Variants in MECOM observed in about 807,000 individuals in gnomAD.
The protein encoded by MECOM is histone-lysine N-methyltransferase MECOM.
Under a neutral mutation model 116.3 loss-of-function variants are expected in MECOM, and 13 were observed. That is an observed-to-expected ratio of 0.11 (90% CI 0.07 to 0.18). The LOEUF (loss-of-function observed/expected upper bound fraction) is 0.18, where lower values mean the gene tolerates loss of function less well. Ranked by LOEUF, MECOM falls within the 10% of genes least tolerant of loss-of-function variation. MECOM has a pLI of 1.00. For synonymous variants in MECOM, 528 were observed against 535.2 expected, an observed-to-expected ratio of 0.99 and a Z score of 0.19; for missense variants, 1,299 against 1,509.0, an observed-to-expected ratio of 0.86 and a Z score of 2.31.
At chr3:169,289,062 A>T (rs1713959798) in intron 2 of MECOM, among the ~76,000 whole-genome samples, 1 of 152,248 alleles carries the variant, frequency 6.6e-6, no homozygotes, top group Non-Finnish European at 1.5e-5. Flanking sequence ...ACTCACTAGC[A>T]TGTGCTTGCA....
chr3:169,604,150 A>C (rs1391581894), intron 1 of MECOM, among the ~76,000 whole-genome samples: 1 of 152,220 alleles, frequency 6.6e-6, no homozygotes, highest in Non-Finnish European at 1.5e-5. Context: ...GTGTGTAAGC[A>C]TGAGAAAGAT....
intron 2 of MECOM, among the ~76,000 whole-genome samples, chr3:169,303,076 A>G (rs1156286909): frequency 6.6e-6 from 1 of 152,100 alleles, no homozygotes; most frequent in Non-Finnish European, 1.5e-5. Flanking sequence ...ATGATCACCC[A>G]AAAAGGTCAC....
At chr3:169,658,399 G>A (rs1293207444) in intron 1 of MECOM, among the ~76,000 whole-genome samples, 1 of 152,218 alleles carries the variant, frequency 6.6e-6, no homozygotes, top group Non-Finnish European at 1.5e-5. Flanking sequence ...GAGTGAGTGT[G>A]TGCCTGCCCT....
intron 1 of MECOM, among the ~76,000 whole-genome samples, chr3:169,495,722 A>G (rs1753729327): frequency 6.6e-6 from 1 of 152,174 alleles, no homozygotes; most frequent in Non-Finnish European, 1.5e-5. Flanking sequence ...TATCAAAACT[A>G]TGAACCAGTC....
At chr3:169,519,845 A>AC (rs1362959859) in intron 1 of MECOM, among the ~76,000 whole-genome samples, 1 of 151,878 alleles carries the variant, frequency 6.6e-6, no homozygotes, top group Admixed American at 6.6e-5. Context: ...CCTTTAGATA[A>AC]CCCCCCCTTG....
intron 8 of MECOM, among the ~76,000 whole-genome samples, chr3:169,113,841 C>T (rs1257043517): frequency 6.6e-6 from 1 of 150,694 alleles, no homozygotes; most frequent in Non-Finnish European, 1.5e-5. Context: ...CCATTTTATG[C>T]TTTTTTTTTA....
chr3:169,347,184 A>G (rs1460191214), intron 2 of MECOM, among the ~76,000 whole-genome samples: 1 of 152,064 alleles, frequency 6.6e-6, no homozygotes. Flanking sequence ...CTACATGCAT[A>G]TCATATATTT....
intron 1 of MECOM, among the ~76,000 whole-genome samples, chr3:169,549,570 G>A (rs1560420601): frequency 2.0e-5 from 3 of 152,080 alleles, no homozygotes; most frequent in Admixed American, 6.5e-5. Flanking sequence ...TTGTTCTGGG[G>A]GATAAACCAC....
chr3:169,454,468 G>C (rs879468141), intron 1 of MECOM, among the ~76,000 whole-genome samples: 2 of 147,340 alleles, frequency 1.4e-5, no homozygotes, highest in Non-Finnish European at 3.0e-5. Flanking sequence ...TTTCTGCTAA[G>C]AATCAAAAGT....
intron 2 of MECOM, among the ~76,000 whole-genome samples, chr3:169,363,465 C>T (rs1560177581): frequency 1.3e-5 from 2 of 151,868 alleles, no homozygotes; most frequent in Admixed American, 6.6e-5. Flanking sequence ...ACAACACGTG[C>T]GCTCTTTCTG....
chr3:169,531,625 A>G (rs1193474136), intron 1 of MECOM, among the ~76,000 whole-genome samples: 4 of 152,138 alleles, frequency 2.6e-5, no homozygotes, highest in African/African-American at 9.7e-5. Flanking sequence ...GTGCGCTCCA[A>G]TATTCTACAT....
In MECOM at chr3:169,623,810, T is replaced by TACAC. The variant is rs113348633; in HGVS notation, c.37+39522_37+39525dup. 917 of 147,846 alleles carry TACAC rather than the reference T, an allele frequency of 6.2e-3. 13 individuals carry two copies. Among genetic ancestry groups the TACAC allele is most frequent in the African/African-American group, 0.021 (837 of 40,610 alleles). The allele number at this position is 147,846 out of a possible 1,614,324, so 9.2% of individuals were successfully genotyped here. A position where few individuals can be genotyped will look rare whatever the true frequency, so the allele number is the denominator to read the frequency against. On this transcript the variant is annotated intron_variant, in intron 1 of 16. Transcript: ENST00000651503. ...GTCTCCTAAAACACACACACACACATACACACACACACACACACACAGAGA... is the reference window on the plus strand; with the variant it reads ...GTCTCCTAAAACACACACACACACATACACACACACACACACACACACACAGAGA...
chr3:169,307,272 T>C (rs1298540621), intron 2 of MECOM, among the ~76,000 whole-genome samples: 2 of 152,160 alleles, frequency 1.3e-5, no homozygotes, highest in East Asian at 1.9e-4. Flanking sequence ...CTCCCTAGAA[T>C]TGCCCCCTTC....
chr3:169,314,887 CT>C (rs546320041), intron 2 of MECOM, among the ~76,000 whole-genome samples: 61 of 152,268 alleles, frequency 4.0e-4, no homozygotes, highest in South Asian at 8.3e-4. Context: ...ATAGTTATCC[CT>C]TATTCTCCTG....
At chr3:169,489,946 G>C (rs1238947888) in intron 1 of MECOM, among the ~76,000 whole-genome samples, 1 of 152,100 alleles carries the variant, frequency 6.6e-6, no homozygotes, top group Non-Finnish European at 1.5e-5. Flanking sequence ...CATTAACAAA[G>C]TGAAAGACAA....
At chr3:169,507,481 T>C (rs1755379469) in intron 1 of MECOM, among the ~76,000 whole-genome samples, 1 of 152,026 alleles carries the variant, frequency 6.6e-6, no homozygotes, top group Non-Finnish European at 1.5e-5. Flanking sequence ...AATTGAGTCT[T>C]GAACTGACTT....
chr3:169,609,309 A>T (rs888363454), intron 1 of MECOM, among the ~76,000 whole-genome samples: 4 of 152,066 alleles, frequency 2.6e-5, no homozygotes, highest in Non-Finnish European at 5.9e-5. Context: ...GCTACTGGGG[A>T]CTCTGAATCA....
intron 1 of MECOM, among the ~76,000 whole-genome samples, chr3:169,536,924 A>T (rs962700881): frequency 2.0e-5 from 3 of 152,128 alleles, no homozygotes; most frequent in African/African-American, 7.2e-5. Context: ...TGTTGTTCTT[A>T]TTCCTATTTT....
intron 2 of MECOM, among the ~76,000 whole-genome samples, chr3:169,376,192 G>A (rs763032264): frequency 5.9e-5 from 9 of 152,044 alleles, no homozygotes; most frequent in Non-Finnish European, 1.2e-4. Context: ...AATAATAAGA[G>A]CTATTTATGA....
Sources: allele counts gnomAD v4.1 joint callset (sites outside exome capture counted in the v4.1 genomes callset), GRCh38; gene constraint gnomAD v4.1.1; transcripts MANE v1.5; gene names NCBI Gene and HGNC (gene_info 2026-07-23, HGNC 2026-07-21).